TNK2: variants seen among roughly 807,000 people sequenced by gnomAD.
TNK2 encodes tyrosine kinase non receptor 2.
A neutral mutation model predicts 101.8 loss-of-function variants in TNK2; 83 were observed. The observed-to-expected ratio is 0.82, with a 90% CI of 0.68 to 0.98. The LOEUF (loss-of-function observed/expected upper bound fraction) is 0.98. Ranked by LOEUF, TNK2 falls within the 50% of genes least tolerant of loss-of-function variation. TNK2 has a pLI of 0.00. For synonymous variants in TNK2, 804 were observed against 633.0 expected (o/e 1.27, Z -4.06); for missense variants, 1,665 against 1,483.2 (o/e 1.12, Z -2.01).
At chr3:195,875,916 C>T (rs7636635) in intron 9 of TNK2, among the ~76,000 whole-genome samples, 49,650 of 152,104 alleles carry the variant, frequency 0.33, 10,456 homozygotes, top group African/African-American at 0.6. Context: ...CTCAGCACCA[C>T]GTTCCCGTCC....
intron 1 of TNK2, among the ~76,000 whole-genome samples, chr3:195,891,117 A>G (rs1312226792): frequency 6.6e-6 from 1 of 152,264 alleles, no homozygotes; most frequent in Admixed American, 6.5e-5. Flanking sequence ...TAAGACAAGT[A>G]ACAATAAAAA....
chr3:195,868,181 G>C lies in TNK2; in HGVS notation c.2117C>G (p.Pro706Arg), dbSNP rs1576990512. Residue 706 changes from proline to arginine, a missense_variant, in exon 13 of 16, where the codon CCC (proline) becomes CGC (arginine). Coordinates refer to ENST00000672887, the MANE Select transcript of TNK2 (RefSeq NM_001382273.1). ...GCTGGGCGGCTTGCCCCCACCCTGGGGCGGGAGGAACAGGTTGTCCTCCAG... is the reference window on the plus strand; with the variant it reads ...GCTGGGCGGCTTGCCCCCACCCTGGCGCGGGAGGAACAGGTTGTCCTCCAG... Reference protein sequence around the residue: ...PPLEDNLFLPPQGGGKPPSSA... With the variant: ...PPLEDNLFLPRQGGGKPPSSA... 1 of 1,610,012 alleles carries C rather than the reference G, an allele frequency of 6.2e-7. No homozygotes were observed. Among genetic ancestry groups the C allele is most frequent in the Non-Finnish European group, 8.5e-7 (1 of 1,178,930 alleles).
rs1235907647 is a variant in TNK2, at chr3:195,869,538, T to G, written c.1547A>C (p.Glu516Ala). 6.4e-7 allele frequency: 1 copy of G among 1,550,702 alleles called. No individual in the cohort carries two copies. Among genetic ancestry groups the G allele is most frequent in the South Asian group, 1.2e-5 (1 of 84,016 alleles). The change falls in exon 12 of 16, where the codon GAG (glutamate) becomes GCG (alanine). Residue 516 changes from glutamate (E) to alanine (A), a missense_variant. Glu to Ala is a moderately radical substitution (Grantham distance 107, BLOSUM62 -1). Transcript: ENST00000672887. ...PPQHLGGVKR[E>A]PPPRPPQPAF... ...AGGCTGAGGTGGGCGAGGTGGAGGC[T>G]CCCCTGCAAGAAAGGCCATGCGGAC...
Position 195,867,586 on chromosome 3 carries a change from A to C in TNK2, c.2712T>G (p.Pro904=), listed in dbSNP as rs1189190184. ...AQSPEEPTPL[P]VPLLLPPPST... ...TGGGTGGGGGCAGCAGCAGAGGCACAGGCAGGGGGGTAGGCTCCTCGGGGC... is the reference window on the plus strand; with the variant it reads ...TGGGTGGGGGCAGCAGCAGAGGCACCGGCAGGGGGGTAGGCTCCTCGGGGC... Residue 904 remains proline, a synonymous_variant, in exon 13 of 16, where the codon CCT becomes CCG. Transcript: ENST00000672887. 6.9e-6 allele frequency: 11 copies of C among 1,587,366 alleles called. No individual in the cohort carries two copies. Among genetic ancestry groups the C allele is most frequent in the African/African-American group, 2.7e-5 (2 of 74,544 alleles).
intron 1 of TNK2, among the ~76,000 whole-genome samples, chr3:195,901,461 A>G (rs889517205): frequency 5.3e-5 from 8 of 152,172 alleles, no homozygotes; most frequent in Non-Finnish European, 1.0e-4. Context: ...TACAGGGGAC[A>G]GAGGGAAACA....
At position 195,868,502 on chromosome 3, in the gene TNK2, G is replaced by A. The variant is rs1480461528; in HGVS notation, c.1796C>T (p.Pro599Leu). ...CAGCTGCGCCAGGGAGGGCGCGCAG[G>A]GCCGTAGGGCCGGGACCACGGGCTC... ...GEEPVVPALR[P>L]CAPSLAQLAM... The change falls in exon 13 of 16, where the codon CCC becomes CTC. Residue 599 changes from proline to leucine, a missense_variant. By Grantham distance (98) the Pro-to-Leu change is moderately conservative. Transcript: ENST00000672887. 4.5e-6 allele frequency: 7 copies of A among 1,550,262 alleles called. No homozygotes were observed. The Admixed American group carries it at 6.2e-5, about 14-fold the overall frequency.
intron 4 of TNK2, 120 bp from the exon 5 acceptor site, chr3:195,883,429 G>T: frequency 8.2e-7 from 1 of 1,217,184 alleles, no homozygotes; most frequent in Non-Finnish European, 1.2e-6. Context: ...TCATCTGGGT[G>T]GGTAAGCATG....
intron 1 of TNK2, chr3:195,896,399 A>G: frequency 3.3e-6 from 1 of 305,324 alleles, no homozygotes; most frequent in Non-Finnish European, 6.5e-6. Flanking sequence ...GGCTCCCTCT[A>G]CGGCCCACTC....
intron 6 of TNK2, among the ~76,000 whole-genome samples, chr3:195,880,826 C>G (rs531122508): frequency 8.1e-5 from 2 of 24,624 alleles, no homozygotes; most frequent in Non-Finnish European, 1.5e-4. Flanking sequence ...AACACCCCCC[C>G]CAGCAATGCC....
chr3:195,882,171 C>T lies in TNK2; in HGVS notation c.767G>A (p.Arg256His), dbSNP rs867699975. Residue 256 changes from arginine to histidine, a missense_variant, in exon 6 of 16, where the codon CGC becomes CAC. Physicochemically the swap from Arg to His is conservative, Grantham distance 29. Transcript: ENST00000672887. This position sits in a 1 kb window ranked among gnomAD's most constrained non-coding sequence, Gnocchi z 4.2. ...GTCGCGGGTAGCCAACAGCAGATTG[C>T]GGGCAGCCAGGTCACGGTGAATAAA... ...KRFIHRDLAARNLLLATRDLV... is the reference protein window; with the variant it reads ...KRFIHRDLAAHNLLLATRDLV... The T allele has an allele frequency of 6.8e-6, 11 of 1,613,924 alleles. No homozygotes were observed. Among genetic ancestry groups the T allele is most frequent in the Non-Finnish European group, 9.3e-6 (11 of 1,180,028 alleles).
chr3:195,890,662 C>A (rs1447742342), intron 1 of TNK2, among the ~76,000 whole-genome samples: 1 of 152,176 alleles, frequency 6.6e-6, no homozygotes, highest in Non-Finnish European at 1.5e-5. Context: ...TGGTCTCGAA[C>A]TCCTGAGCTC....
chr3:195,870,317 A>C, intron 10 of TNK2, 112 bp from the exon 11 acceptor site: 2 of 1,542,544 alleles, frequency 1.3e-6, no homozygotes, highest in Non-Finnish European at 1.8e-6. Context: ...TTGGGTCTGA[A>C]GCACAGGCCT....
At chr3:195,892,090 G>T (rs1204870384) in intron 1 of TNK2, 3 of 805,812 alleles carry the variant, frequency 3.7e-6, no homozygotes, top group Non-Finnish European at 4.8e-6. Context: ...TCCAGCCCAA[G>T]GTTCTTTGTG....
In TNK2 at chr3:195,867,634, C is replaced by G. The variant is rs1288145659; in HGVS notation, c.2664G>C (p.Gln888His). 6.2e-7 allele frequency: 1 copy of G among 1,601,314 alleles called. No homozygotes were observed. Among genetic ancestry groups the G allele is most frequent in the Non-Finnish European group, 8.5e-7 (1 of 1,179,492 alleles). Residue 888 changes from glutamine to histidine, a missense_variant, in exon 13 of 16, where the codon CAG (glutamine) becomes CAC (histidine). Around this residue, in one of 3 missense-constraint regions of TNK2, gnomAD observed 1,136 missense variants for 894.9 expected, o/e 1.27. Coordinates refer to ENST00000672887, the MANE Select transcript of TNK2 (RefSeq NM_001382273.1). ...GGCTCTGGGCCTCACGCAGGAAGCG[C>G]TGGTAGCGCTCCAGGTAGGATGGTC... The part of the protein sequence containing the change: ...PERPSYLERY[Q>H]RFLREAQSPE...
At position 195,870,966 on chromosome 3, in the gene TNK2, G is replaced by A. The variant is rs547683145; in HGVS notation, c.1452-761C>T. 1.2e-4 allele frequency among the ~76,000 whole-genome samples: 18 copies of A among 146,096 alleles called. No homozygotes were observed. In the East Asian group the frequency reaches 1.8e-3, roughly 15 times the overall value. The stretch of plus-strand genomic sequence containing the variant: ...TGTGGGTTCTGGTGTGGGGGGACTC[G>A]CTGTGTGGGGTTCTGGTGTGTGGGG... On this transcript the variant is annotated intron_variant, in intron 10 of 15. Transcript: ENST00000672887.
intron 15 of TNK2, 50 bp downstream of exon 15, chr3:195,866,839 G>T: frequency 6.3e-7 from 1 of 1,587,402 alleles, no homozygotes; most frequent in Non-Finnish European, 8.6e-7. Flanking sequence ...GCAGGCTCTG[G>T]GACAGCCCTC....
In TNK2 at chr3:195,882,331, G is replaced by A. The variant is rs775260593; in HGVS notation, c.610-3C>T. The A allele has an allele frequency of 3.7e-6, 6 of 1,609,126 alleles. No homozygotes were observed. The East Asian group carries it at 1.1e-4, about 30-fold the overall frequency. Reference sequence around the variant, plus strand: ...CCCAGAGGTGCCAGCTCTGTCACCTGAGGCCACGGAGGAGGCAGGAGGAAT... The same window carrying A: ...CCCAGAGGTGCCAGCTCTGTCACCTAAGGCCACGGAGGAGGCAGGAGGAAT... On this transcript the variant is annotated splice_polypyrimidine_tract_variant and splice_region_variant and intron_variant, in intron 5 of 15. Coordinates refer to ENST00000672887, the MANE Select transcript of TNK2 (RefSeq NM_001382273.1). This position sits in a 1 kb window ranked among gnomAD's most constrained non-coding sequence, Gnocchi z 4.2.
At chr3:195,899,284 C>A (rs750046425) in intron 1 of TNK2, among the ~76,000 whole-genome samples, 1 of 152,084 alleles carries the variant, frequency 6.6e-6, no homozygotes, top group African/African-American at 2.4e-5. Context: ...TGCTTGAAAA[C>A]ATGAGTAGTA....
At chr3:195,870,871 A>T (rs1744638738) in intron 10 of TNK2, among the ~76,000 whole-genome samples, 1 of 148,734 alleles carries the variant, frequency 6.7e-6, no homozygotes, top group Non-Finnish European at 1.5e-5. Flanking sequence ...ACATGGGCTG[A>T]GCCCTGTGAG....
Sources: allele counts gnomAD v4.1 joint callset (sites outside exome capture counted in the v4.1 genomes callset), GRCh38; gene constraint gnomAD v4.1.1; regional missense constraint gnomAD v4.1.1; non-coding constraint Gnocchi (gnomAD v3.1); transcripts MANE v1.5; gene names NCBI Gene and HGNC (gene_info 2026-07-23, HGNC 2026-07-21).